AGMO: variants seen among roughly 807,000 people sequenced by gnomAD.
AGMO encodes the protein alkylglycerol monooxygenase.
In AGMO, 75 loss-of-function variants were observed where a neutral mutation model predicts 60.2. The ratio of observed to expected loss-of-function variants is 1.25; its 90% CI spans 1.03 to 1.51. The LOEUF (loss-of-function observed/expected upper bound fraction) is 1.51, where lower values mean the gene tolerates loss of function less well. Ranked by LOEUF, AGMO falls within the 40% of genes most tolerant of loss-of-function variation. The pLI is 0.00. For missense variants in AGMO, 763 were observed against 525.5 expected, an observed-to-expected ratio of 1.45 and a Z score of -4.42; for synonymous variants, 261 against 177.1, an observed-to-expected ratio of 1.47 and a Z score of -3.76.
intron 9 of AGMO, among the ~76,000 whole-genome samples, chr7:15,386,473 G>A (rs372992893): frequency 6.6e-6 from 1 of 152,060 alleles, no homozygotes; most frequent in Admixed American, 6.6e-5. Context: ...ACAGCTTTTT[G>A]GAGTTGAAAT....
intron 12 of AGMO, among the ~76,000 whole-genome samples, chr7:15,250,972 G>C (rs546668035): frequency 2.6e-5 from 4 of 151,728 alleles, no homozygotes; most frequent in Admixed American, 2.6e-4. Context: ...ATATATACCT[G>C]AATGTGTTAG....
chr7:15,352,984 A>C (rs1440550568), intron 12 of AGMO, among the ~76,000 whole-genome samples: 1 of 152,116 alleles, frequency 6.6e-6, no homozygotes, highest in African/African-American at 2.4e-5. Context: ...GGAGTGTCGG[A>C]TGCGCAGGTC....
intron 10 of AGMO, among the ~76,000 whole-genome samples, chr7:15,381,787 A>G (rs1472877234): frequency 6.6e-6 from 1 of 152,190 alleles, no homozygotes; most frequent in Non-Finnish European, 1.5e-5. Context: ...CCCATCAATG[A>G]TAGACTGGAT....
intron 3 of AGMO, among the ~76,000 whole-genome samples, chr7:15,511,824 A>C (rs1320084950): frequency 1.3e-5 from 2 of 152,150 alleles, no homozygotes; most frequent in Non-Finnish European, 2.9e-5. Context: ...AAAAGAGGAA[A>C]TTTGGACACA....
intron 12 of AGMO, among the ~76,000 whole-genome samples, chr7:15,295,484 G>T (rs527685580): frequency 6.6e-6 from 1 of 151,990 alleles, no homozygotes; most frequent in African/African-American, 2.4e-5. Context: ...AGAATGCAGA[G>T]AAAGAAGAAA....
At chr7:15,253,433 T>C (rs1255608427) in intron 12 of AGMO, among the ~76,000 whole-genome samples, 1 of 152,226 alleles carries the variant, frequency 6.6e-6, no homozygotes, top group African/African-American at 2.4e-5. Flanking sequence ...AAAGTGGATA[T>C]AAAATAATTA....
chr7:15,436,750 T>G (rs1237669272), intron 3 of AGMO, among the ~76,000 whole-genome samples: 2 of 152,190 alleles, frequency 1.3e-5, no homozygotes, highest in Non-Finnish European at 2.9e-5. Flanking sequence ...TTTCCTCTTT[T>G]GGATTTTGTT....
downstream of AGMO, among the ~76,000 whole-genome samples, chr7:15,198,009 C>G (rs1272625652): frequency 6.6e-6 from 1 of 152,048 alleles, no homozygotes; most frequent in Non-Finnish European, 1.5e-5. Flanking sequence ...CAGCTCCTAA[C>G]AGGATTGTAG....
chr7:15,349,538 G>A, intron 12 of AGMO, among the ~76,000 whole-genome samples: 1 of 152,060 alleles, frequency 6.6e-6, no homozygotes, highest in Admixed American at 6.6e-5. Flanking sequence ...AAATCTCATA[G>A]ACCCAATACC....
At chr7:15,355,070 T>C (rs1376061131) in intron 12 of AGMO, among the ~76,000 whole-genome samples, 1 of 152,054 alleles carries the variant, frequency 6.6e-6, no homozygotes, top group Admixed American at 6.6e-5. Flanking sequence ...TGGACATAGA[T>C]TTTCCAATGT....
intron 3 of AGMO, among the ~76,000 whole-genome samples, chr7:15,465,437 T>C (rs1239209028): frequency 6.6e-6 from 1 of 151,026 alleles, no homozygotes; most frequent in Non-Finnish European, 1.5e-5. Context: ...TTGTGAATTT[T>C]TTTGAGACAA....
chr7:15,118,173 A>AACACACACACACACAC, the AGMO span, among the ~76,000 whole-genome samples: 47 of 144,688 alleles, frequency 3.2e-4, no homozygotes, highest in African/African-American at 1.0e-3. Flanking sequence ...ACTAAAGAGA[A>AACACACACACACACAC]ACACACACAC....
At chr7:15,416,338 CTT>C (rs1039450783) in intron 5 of AGMO, among the ~76,000 whole-genome samples, 1 of 152,046 alleles carries the variant, frequency 6.6e-6, no homozygotes, top group Non-Finnish European at 1.5e-5. Flanking sequence ...CAGGTCTAGA[CTT>C]TGTTTATTTA....
chr7:15,218,405 A>C (rs1177299390), intron 12 of AGMO, among the ~76,000 whole-genome samples: 1 of 146,998 alleles, frequency 6.8e-6, no homozygotes, highest in African/African-American at 2.5e-5. Flanking sequence ...CATATGTTTT[A>C]GTTCTTTTAA....
chr7:15,561,004 A>T (rs1785288287), intron 1 of AGMO, among the ~76,000 whole-genome samples: 1 of 152,186 alleles, frequency 6.6e-6, no homozygotes, highest in African/African-American at 2.4e-5. Context: ...GATTTTACTC[A>T]TTTGGAAGCT....
At chr7:15,497,752 G>A (rs1404365926) in intron 3 of AGMO, among the ~76,000 whole-genome samples, 1 of 151,900 alleles carries the variant, frequency 6.6e-6, no homozygotes, top group Non-Finnish European at 1.5e-5. Context: ...CAACTCAGTG[G>A]TTACTAAAAT....
At chr7:15,267,997 C>G (rs1201376561) in intron 12 of AGMO, among the ~76,000 whole-genome samples, 1 of 151,786 alleles carries the variant, frequency 6.6e-6, no homozygotes, top group African/African-American at 2.4e-5. Flanking sequence ...TGTTACCAAA[C>G]ATTTAGTGAA....
chr7:15,195,785 C>T (rs1209211436), downstream of AGMO, among the ~76,000 whole-genome samples: 1 of 152,146 alleles, frequency 6.6e-6, no homozygotes, highest in Non-Finnish European at 1.5e-5. Context: ...CCGAGGACTT[C>T]CTTATCCTCA....
chr7:15,218,218 A>AT (rs1447360282), intron 12 of AGMO, among the ~76,000 whole-genome samples: 6 of 152,046 alleles, frequency 3.9e-5, no homozygotes, highest in African/African-American at 1.4e-4. Flanking sequence ...TATTTATGTA[A>AT]TTTTTTAAAA....
Sources: gnomAD v4.1 joint callset for allele counts (sites outside exome capture counted in the v4.1 genomes callset) on GRCh38, gnomAD v4.1.1 for gene constraint, MANE v1.5 for transcripts, NCBI Gene and HGNC (gene_info 2026-07-23, HGNC 2026-07-21) for gene names.